The following ABLIM1 variants were observed in gnomAD, a reference collection of about 807,000 sequenced individuals.
The protein encoded by ABLIM1 is actin binding LIM protein 1.
ABLIM1 carries 40 observed loss-of-function variants against 107.0 expected under a neutral mutation model. The observed-to-expected ratio is 0.37, with a 90% CI of 0.29 to 0.49. The LOEUF (loss-of-function observed/expected upper bound fraction) is 0.49, where lower values mean the gene tolerates loss of function less well. ABLIM1 is among the 20% of genes least tolerant of loss of function. ABLIM1 has a pLI of 0.97. For synonymous variants in ABLIM1, 357 were observed against 357.3 expected (o/e 1.00, Z 0.01); for missense variants, 857 against 1,008.5 (o/e 0.85, Z 2.04).
chr10:114,599,674 C>G (rs1254422291), intron 2 of ABLIM1, among the ~76,000 whole-genome samples: 1 of 151,926 alleles, frequency 6.6e-6, no homozygotes, highest in African/African-American at 2.4e-5. Context: ...GTAATCCCAG[C>G]TACTTGGGAG....
intron 3 of ABLIM1, among the ~76,000 whole-genome samples, chr10:114,574,335 T>C (rs184693192): frequency 9.8e-5 from 15 of 152,358 alleles, no homozygotes; most frequent in Non-Finnish European, 1.6e-4. Context: ...TCTTAAGTTT[T>C]ATAACATGCA....
chr10:114,584,913 T>G (rs1019080520), intron 2 of ABLIM1, among the ~76,000 whole-genome samples: 2 of 152,220 alleles, frequency 1.3e-5, no homozygotes. Flanking sequence ...AACTTGTTGT[T>G]TAACCTGTTG....
chr10:114,713,309 T>C (rs2081591654), intron 1 of ABLIM1, among the ~76,000 whole-genome samples: 2 of 152,258 alleles, frequency 1.3e-5, no homozygotes, highest in East Asian at 3.9e-4. Flanking sequence ...ATAAATGGAA[T>C]GGCAAAGATC....
At chr10:114,608,435 C>T (rs546998752) in intron 1 of ABLIM1, among the ~76,000 whole-genome samples, 59 of 152,182 alleles carry the variant, frequency 3.9e-4, no homozygotes, top group Non-Finnish European at 4.0e-4. Context: ...TTTGGGAGGC[C>T]GAGGCGGGCG....
intron 6 of ABLIM1, among the ~76,000 whole-genome samples, chr10:114,544,030 C>G (rs28609527): frequency 0.017 from 2,544 of 152,280 alleles, 51 homozygotes; most frequent in African/African-American, 0.058. Context: ...TGAAACCCCA[C>G]GGAAGAGACA....
At chr10:114,733,698 T>A (rs538230788) in intron 1 of ABLIM1, among the ~76,000 whole-genome samples, 2 of 152,254 alleles carry the variant, frequency 1.3e-5, no homozygotes, top group East Asian at 3.9e-4. Context: ...TTGCTCCCAA[T>A]AAGTCGCAGA....
chr10:114,670,457 C>T (rs925703982), intron 1 of ABLIM1, among the ~76,000 whole-genome samples: 1 of 152,128 alleles, frequency 6.6e-6, no homozygotes, highest in African/African-American at 2.4e-5. Context: ...ACAATCCCTC[C>T]ATCCAGAAAC....
chr10:114,784,040 T>C, the ABLIM1 span, among the ~76,000 whole-genome samples: 1 of 150,928 alleles, frequency 6.6e-6, no homozygotes, highest in African/African-American at 2.4e-5. Context: ...GAAAGGACAA[T>C]GCACACTTTT....
chr10:114,762,910 C>T (rs911443097), intron 1 of ABLIM1, among the ~76,000 whole-genome samples: 1 of 152,198 alleles, frequency 6.6e-6, no homozygotes, highest in Non-Finnish European at 1.5e-5. Context: ...GTCACTCATT[C>T]CCCCAATGGA....
chr10:114,608,607 T>A (rs554252541), intron 1 of ABLIM1, among the ~76,000 whole-genome samples: 1 of 151,798 alleles, frequency 6.6e-6, no homozygotes, highest in Admixed American at 6.6e-5. Context: ...AGGCGGAGGT[T>A]GTGGTGAGCC....
At chr10:114,768,350 G>T (rs1411382248), upstream of ABLIM1, among the ~76,000 whole-genome samples, 1 of 149,214 alleles carries the variant, frequency 6.7e-6, no homozygotes, top group African/African-American at 2.4e-5. Context: ...GGCCCACCCG[G>T]GTCCAGCAGC....
the ABLIM1 span, among the ~76,000 whole-genome samples, chr10:114,781,357 A>T: frequency 5.3e-5 from 8 of 151,924 alleles, no homozygotes; most frequent in Non-Finnish European, 1.2e-4. Context: ...TACAAAAATT[A>T]GCTGGGCGTG....
Position 114,707,623 on chromosome 10 carries a change from G to C in ABLIM1, c.-213+60438C>G, listed in dbSNP as rs1247313775. Among the ~76,000 whole-genome samples the C allele has an allele frequency of 6.6e-6, 1 of 152,116 alleles. No individual in the cohort carries two copies. The highest frequency in any genetic ancestry group is 2.4e-5 in the African/African-American group (1 of 41,418). ...GTCATAAAAAACTAATTACCGGCCG[G>C]GCACGGTGGCTCACACTTATAATCC... On this transcript the variant is annotated intron_variant, in intron 1 of 15. Transcript: ENST00000651092. The surrounding 1 kb of genome is among the most constrained non-coding windows in gnomAD (Gnocchi z 4.1).
At chr10:114,665,116 CAAA>C (rs34831708) in intron 1 of ABLIM1, among the ~76,000 whole-genome samples, 1 of 144,526 alleles carries the variant, frequency 6.9e-6, no homozygotes, top group African/African-American at 2.5e-5. Flanking sequence ...GACTCCGTCT[CAAA>C]AAAAAAAAAA....
the ABLIM1 span, among the ~76,000 whole-genome samples, chr10:114,776,644 A>G: frequency 1.3e-5 from 2 of 152,174 alleles, no homozygotes; most frequent in African/African-American, 2.4e-5. Context: ...TTTATAATAC[A>G]GTCACGTTCT....
At chr10:114,800,676 G>A in the ABLIM1 span, among the ~76,000 whole-genome samples, 3 of 152,194 alleles carry the variant, frequency 2.0e-5, no homozygotes, top group Non-Finnish European at 4.4e-5. Context: ...ACTCTGGGAG[G>A]CCAAGGTGGG....
At chr10:114,735,372 T>TA (rs1348608617) in intron 1 of ABLIM1, among the ~76,000 whole-genome samples, 1 of 152,098 alleles carries the variant, frequency 6.6e-6, no homozygotes, top group Non-Finnish European at 1.5e-5. Context: ...AAAACAACAA[T>TA]AAAAAAATTC....
At chr10:114,647,914 A>T (rs1021870185) in intron 1 of ABLIM1, among the ~76,000 whole-genome samples, 1 of 152,258 alleles carries the variant, frequency 6.6e-6, no homozygotes, top group African/African-American at 2.4e-5. Flanking sequence ...ACCTTTCTTT[A>T]TATAATGTTT....
At chr10:114,608,786 G>A (rs968637165) in intron 1 of ABLIM1, among the ~76,000 whole-genome samples, 6 of 152,066 alleles carry the variant, frequency 3.9e-5, no homozygotes, top group South Asian at 4.2e-4. Flanking sequence ...CGGCCAAGGC[G>A]GGTGGATCAA....
Sources: gnomAD v4.1 joint callset for allele counts (sites outside exome capture counted in the v4.1 genomes callset) on GRCh38, gnomAD v4.1.1 for gene constraint, Gnocchi (gnomAD v3.1) non-coding constraint, MANE v1.5 for transcripts, NCBI Gene and HGNC (gene_info 2026-07-23, HGNC 2026-07-21) for gene names.